KCNIP1: variants seen among roughly 807,000 people sequenced by gnomAD.
The protein encoded by KCNIP1 is potassium voltage-gated channel interacting protein 1.
A neutral mutation model predicts 33.0 loss-of-function variants in KCNIP1; 18 were observed. That is an observed-to-expected ratio of 0.55 (90% CI 0.38 to 0.81). The LOEUF is 0.81. KCNIP1 is among the 30% of genes least tolerant of loss of function. The pLI, the probability that KCNIP1 is intolerant of heterozygous loss-of-function variation, is 0.00. For missense variants in KCNIP1, 238 were observed against 271.6 expected (o/e 0.88, Z 0.87); for synonymous variants, 93 against 98.3 (o/e 0.95, Z 0.32).
At chr5:170,374,387 C>T (rs1037798489) in intron 1 of KCNIP1, among the ~76,000 whole-genome samples, 5 of 152,084 alleles carry the variant, frequency 3.3e-5, no homozygotes, top group African/African-American at 9.7e-5. Context: ...AATTCCAGTC[C>T]TCTGAGATCT....
At chr5:170,509,295 A>AC (rs1378876078) in intron 1 of KCNIP1, among the ~76,000 whole-genome samples, 1 of 152,210 alleles carries the variant, frequency 6.6e-6, no homozygotes, top group African/African-American at 2.4e-5. Flanking sequence ...CACACCCAGC[A>AC]CCAGGCACAG....
intron 1 of KCNIP1, among the ~76,000 whole-genome samples, chr5:170,644,492 G>C (rs934617915): frequency 6.6e-6 from 1 of 152,218 alleles, no homozygotes; most frequent in African/African-American, 2.4e-5. Flanking sequence ...AGCAGCCTGA[G>C]CACCTGCATC....
chr5:170,477,274 A>G (rs1756877116), intron 1 of KCNIP1, among the ~76,000 whole-genome samples: 1 of 151,656 alleles, frequency 6.6e-6, no homozygotes, highest in African/African-American at 2.4e-5. Context: ...TTGGACCTGT[A>G]AATTCACTCT....
rs150689053 is a variant in KCNIP1, at chr5:170,630,208, T to C, written c.62-88550T>C. ...CACCATGTCAGACAAAAAGGTTAGA[T>C]ACAGGACCTGATATGTTATAAAACT... On this transcript the variant is annotated intron_variant, in intron 1 of 7. Transcript: ENST00000328939. 2.0e-5 allele frequency among the ~76,000 whole-genome samples: 3 copies of C among 152,336 alleles called. No individual in the cohort carries two copies. In the South Asian group the frequency reaches 6.2e-4, roughly 32 times the overall value.
At chr5:170,728,660 T>C (rs1442687189) in intron 5 of KCNIP1, among the ~76,000 whole-genome samples, 2 of 152,094 alleles carry the variant, frequency 1.3e-5, no homozygotes, top group East Asian at 3.9e-4. Context: ...TTTTGATAAG[T>C]AGAGAAACAT....
chr5:170,527,618 G>A (rs376603360), intron 1 of KCNIP1, among the ~76,000 whole-genome samples: 3 of 151,584 alleles, frequency 2.0e-5, no homozygotes, highest in South Asian at 2.1e-4. Flanking sequence ...AGCTAGTCAC[G>A]AATAATCAGA....
At chr5:170,562,101 A>C (rs1487975276) in intron 1 of KCNIP1, among the ~76,000 whole-genome samples, 3 of 152,236 alleles carry the variant, frequency 2.0e-5, no homozygotes, top group African/African-American at 7.2e-5. Flanking sequence ...ACAGACAGAA[A>C]AATAGATATG....
At chr5:170,463,455 T>G (rs1014916405) in intron 1 of KCNIP1, among the ~76,000 whole-genome samples, 1 of 152,190 alleles carries the variant, frequency 6.6e-6, no homozygotes, top group Non-Finnish European at 1.5e-5. Context: ...TCCAGCAGTC[T>G]GTTAAAAAGA....
intron 1 of KCNIP1, among the ~76,000 whole-genome samples, chr5:170,404,974 C>G (rs1437760270): frequency 1.3e-5 from 2 of 152,164 alleles, no homozygotes; most frequent in Non-Finnish European, 2.9e-5. Flanking sequence ...TTCCGGTTCT[C>G]CAGCACATAA....
chr5:170,658,926 CT>C (rs1487274290), intron 1 of KCNIP1, among the ~76,000 whole-genome samples: 1 of 152,094 alleles, frequency 6.6e-6, no homozygotes, highest in Non-Finnish European at 1.5e-5. Flanking sequence ...CTGAGACAGC[CT>C]CACAGCTGAC....
At position 170,735,929 on chromosome 5, in the gene KCNIP1, T is replaced by C; in HGVS notation, c.*123T>C. ...TGGGACAGAAACACCTTTTACACTT[T>C]GGAAGAATTCTCTGCTGAAGACTTT... On this transcript the variant is annotated 3_prime_UTR_variant, in exon 8 of 8. Coordinates refer to ENST00000328939, the MANE Select transcript of KCNIP1 (RefSeq NM_014592.4). 1 of 821,620 alleles carries C rather than the reference T, an allele frequency of 1.2e-6. No homozygotes were observed. The highest frequency in any genetic ancestry group is 2.0e-6 in the Non-Finnish European group (1 of 502,928). The allele number at this position is 821,620 out of a possible 1,614,324, so 50.9% of individuals were successfully genotyped here.
intron 1 of KCNIP1, among the ~76,000 whole-genome samples, chr5:170,566,870 C>T (rs144123839): frequency 7.6e-4 from 115 of 151,992 alleles, no homozygotes; most frequent in Non-Finnish European, 1.2e-3. Context: ...AAAACAAGCA[C>T]GAGGAATTAG....
At chr5:170,700,149 T>C (rs329466) in intron 1 of KCNIP1, among the ~76,000 whole-genome samples, 97,322 of 151,690 alleles carry the variant, frequency 0.64, 32,291 homozygotes, top group East Asian at 0.94. Context: ...TGTTCTCCTG[T>C]GGGCTCCTTG....
chr5:170,405,920 G>A (rs1220200162), intron 1 of KCNIP1, among the ~76,000 whole-genome samples: 1 of 152,052 alleles, frequency 6.6e-6, no homozygotes, highest in Non-Finnish European at 1.5e-5. Flanking sequence ...TTGTGTGATT[G>A]GCAACACCAA....
intron 1 of KCNIP1, among the ~76,000 whole-genome samples, chr5:170,477,953 A>G (rs1296849594): frequency 1.3e-5 from 2 of 152,184 alleles, no homozygotes; most frequent in Non-Finnish European, 2.9e-5. Context: ...CTCCAATAGA[A>G]GTGCCTCCAG....
Position 170,605,770 on chromosome 5 carries a change from C to CTTTTT in KCNIP1, c.61+101155_61+101159dup, listed in dbSNP as rs766469605. On this transcript the variant is annotated intron_variant, in intron 1 of 7. Coordinates refer to ENST00000328939, the MANE Select transcript of KCNIP1 (RefSeq NM_014592.4). The stretch of plus-strand genomic sequence containing the variant: ...CATGGGTCAGTACTTCAACCCTGTT[C>CTTTTT]TTTTTTTTTTTTTTTTTTTTTTGAG... Among the ~76,000 whole-genome samples, 104 of 102,274 alleles carry CTTTTT rather than the reference C, an allele frequency of 1.0e-3. 1 individual carries two copies. Among genetic ancestry groups the CTTTTT allele is most frequent in the Middle Eastern group, 6.3e-3 (1 of 160 alleles). The allele number at this position is 102,274 out of a possible 152,430, so 67.1% of individuals were successfully genotyped here.
chr5:170,550,489 A>G (rs553659248), intron 1 of KCNIP1, among the ~76,000 whole-genome samples: 30 of 151,796 alleles, frequency 2.0e-4, no homozygotes, highest in African/African-American at 7.0e-4. Flanking sequence ...GGTGATGACA[A>G]TGATGGTGAT....
Position 170,397,078 on chromosome 5 carries a change from T to A in KCNIP1, c.88+43114T>A, listed in dbSNP as rs185758822. Among the ~76,000 whole-genome samples the A allele has an allele frequency of 5.7e-3, 875 of 152,328 alleles. 3 individuals are homozygous for A. Among genetic ancestry groups the A allele is most frequent in the Non-Finnish European group, 9.9e-3 (674 of 68,032 alleles). ...CTGTTTGTCATCTTAAGACCTCTGTTTTAATGTTAATGCTGGTAAGTTGTG... is the reference window on the plus strand; with the variant it reads ...CTGTTTGTCATCTTAAGACCTCTGTATTAATGTTAATGCTGGTAAGTTGTG... On this transcript the variant is annotated intron_variant, in intron 1 of 7. Transcript: ENST00000377360.
intron 1 of KCNIP1, among the ~76,000 whole-genome samples, chr5:170,708,246 A>C (rs900276549): frequency 6.6e-6 from 1 of 152,232 alleles, no homozygotes; most frequent in Non-Finnish European, 1.5e-5. Context: ...GATGATGTTA[A>C]ACTCATCCAG....
Sources: allele counts gnomAD v4.1 joint callset (sites outside exome capture counted in the v4.1 genomes callset), GRCh38; gene constraint gnomAD v4.1.1; transcripts MANE v1.5; gene names NCBI Gene and HGNC (gene_info 2026-07-23, HGNC 2026-07-21).